SCAI: variants seen among roughly 807,000 people sequenced by gnomAD.
The protein encoded by SCAI is protein SCAI.
SCAI carries 24 observed loss-of-function variants against 92.2 expected under a neutral mutation model. The observed-to-expected ratio is 0.26, with a 90% CI of 0.19 to 0.37. SCAI has a LOEUF of 0.37. Ranked by LOEUF, SCAI falls within the 10% of genes least tolerant of loss-of-function variation. SCAI has a pLI of 1.00. For missense variants in SCAI, 450 were observed against 736.2 expected (o/e 0.61, Z 4.50); for synonymous variants, 261 against 258.6 (o/e 1.01, Z -0.09).
intron 9 of SCAI, among the ~76,000 whole-genome samples, chr9:125,008,553 G>A (rs1247441858): frequency 6.6e-6 from 1 of 152,158 alleles, no homozygotes; most frequent in Non-Finnish European, 1.5e-5. Context: ...AAGACAATAT[G>A]TGAAATATGA....
chr9:125,071,608 C>A (rs1033986053), intron 2 of SCAI, among the ~76,000 whole-genome samples: 4 of 152,096 alleles, frequency 2.6e-5, no homozygotes, highest in African/African-American at 7.2e-5. Flanking sequence ...ATAAAGACAT[C>A]ATTTTGCCTA....
intron 2 of SCAI, among the ~76,000 whole-genome samples, chr9:125,076,035 T>G (rs1400349872): frequency 6.6e-6 from 1 of 152,050 alleles, no homozygotes; most frequent in Non-Finnish European, 1.5e-5. Context: ...TATACAAAGA[T>G]GAGAGCAACA....
At chr9:124,968,786 G>A (rs1022508394) in intron 17 of SCAI, 48 of 828,018 alleles carry the variant, frequency 5.8e-5, no homozygotes, top group Non-Finnish European at 9.3e-5. Context: ...CGCAGGCCAC[G>A]GCGATTCCAG....
intron 14 of SCAI, among the ~76,000 whole-genome samples, chr9:124,977,778 A>G (rs1451411487): frequency 2.0e-5 from 3 of 152,250 alleles, no homozygotes; most frequent in Non-Finnish European, 4.4e-5. Context: ...CAGAATGAAA[A>G]GTCCAGAATT....
chr9:125,051,678 G>GA (rs1379405677), intron 3 of SCAI, among the ~76,000 whole-genome samples: 1 of 151,996 alleles, frequency 6.6e-6, no homozygotes, highest in Non-Finnish European at 1.5e-5. Flanking sequence ...TGTTTAAAAA[G>GA]AAAAAATGAA....
chr9:125,143,163 G>A (rs1423516175), intron 1 of SCAI, among the ~76,000 whole-genome samples: 17 of 131,304 alleles, frequency 1.3e-4, no homozygotes, highest in African/African-American at 5.0e-4. Context: ...CTCACCCCTC[G>A]GCGCCCCTTC....
chr9:124,992,532 C>T (rs1832149846), intron 14 of SCAI, among the ~76,000 whole-genome samples: 1 of 151,940 alleles, frequency 6.6e-6, no homozygotes, highest in South Asian at 2.1e-4. Flanking sequence ...TACAGGTGCA[C>T]ACCACCCCTC....
At chr9:125,090,412 G>A (rs538028422) in intron 2 of SCAI, among the ~76,000 whole-genome samples, 1 of 151,514 alleles carries the variant, frequency 6.6e-6, no homozygotes, top group Non-Finnish European at 1.5e-5. Flanking sequence ...AGGATGATGA[G>A]GAAGGAGGAG....
At chr9:125,120,825 TG>T (rs201826706) in intron 2 of SCAI, among the ~76,000 whole-genome samples, 2,007 of 152,154 alleles carry the variant, frequency 0.013, 34 homozygotes, top group African/African-American at 0.044. Context: ...GAGGCTGCAG[TG>T]TGCCAAGATC....
intron 3 of SCAI, among the ~76,000 whole-genome samples, chr9:125,044,104 A>T (rs1461957565): frequency 2.6e-5 from 4 of 152,264 alleles, no homozygotes; most frequent in Admixed American, 2.0e-4. Flanking sequence ...GACCTGTCAC[A>T]ACTGACTGGG....
intron 2 of SCAI, among the ~76,000 whole-genome samples, chr9:125,090,836 T>C (rs1423777032): frequency 6.6e-6 from 1 of 152,036 alleles, no homozygotes. Flanking sequence ...AAGGATAGGT[T>C]AGCTGGGCAC....
At chr9:124,968,983 A>C (rs1831599339) in intron 17 of SCAI, 1 of 366,430 alleles carries the variant, frequency 2.7e-6, no homozygotes, top group African/African-American at 2.1e-5. Context: ...GTGGAACTGC[A>C]CAGTTGGCCC....
chr9:125,055,847 A>G, intron 3 of SCAI, 29 bp downstream of exon 3: 2 of 1,559,058 alleles, frequency 1.3e-6, no homozygotes, highest in South Asian at 2.5e-5. Context: ...GAACTAAAGA[A>G]AAGTTCAAAA....
At chr9:125,031,357 G>A (rs1833071399) in intron 3 of SCAI, among the ~76,000 whole-genome samples, 1 of 151,944 alleles carries the variant, frequency 6.6e-6, no homozygotes, top group African/African-American at 2.4e-5. Flanking sequence ...CTCCTCCCAG[G>A]TTCATGCCAT....
At chr9:125,109,043 G>A (rs933805818) in intron 2 of SCAI, among the ~76,000 whole-genome samples, 5 of 152,332 alleles carry the variant, frequency 3.3e-5, no homozygotes, top group South Asian at 2.1e-4. Flanking sequence ...GGATGCTGTT[G>A]ATCTATCACC....
intron 14 of SCAI, among the ~76,000 whole-genome samples, chr9:124,993,008 G>T (rs1385770025): frequency 6.6e-6 from 1 of 152,180 alleles, no homozygotes; most frequent in Non-Finnish European, 1.5e-5. Context: ...CAATTAAATT[G>T]GGAGAAACTA....
intron 2 of SCAI, among the ~76,000 whole-genome samples, chr9:125,100,185 T>C (rs1268190787): frequency 6.6e-6 from 1 of 152,244 alleles, no homozygotes. Context: ...TCTTGTCTCT[T>C]GTGGTGATTG....
At chr9:125,137,487 AC>A (rs1192912297) in intron 2 of SCAI, among the ~76,000 whole-genome samples, 6 of 152,160 alleles carry the variant, frequency 3.9e-5, no homozygotes, top group Non-Finnish European at 8.8e-5. Context: ...ATCCCTCTTT[AC>A]CTCTGAATCA....
intron 2 of SCAI, among the ~76,000 whole-genome samples, chr9:125,105,949 T>C (rs1054555851): frequency 2.0e-5 from 3 of 149,824 alleles, no homozygotes; most frequent in African/African-American, 7.4e-5. Flanking sequence ...ATACAAAAAT[T>C]AGCTGGGTGT....
Sources: gnomAD v4.1 joint callset for allele counts (sites outside exome capture counted in the v4.1 genomes callset) on GRCh38, gnomAD v4.1.1 for gene constraint, MANE v1.5 for transcripts, NCBI Gene and HGNC (gene_info 2026-07-23, HGNC 2026-07-21) for gene names.